Variants in TMEM230 observed in about 807,000 individuals in gnomAD.
The protein encoded by TMEM230 is UPF0414 transmembrane protein C20orf30.
Under a neutral mutation model 15.8 loss-of-function variants are expected in TMEM230, and 10 were observed. That is an observed-to-expected ratio of 0.63 (90% CI 0.39 to 1.07). TMEM230 has a LOEUF of 1.07. Among genes scored for constraint, TMEM230 ranks in the 50% least tolerant of loss-of-function variants. The pLI, the probability that TMEM230 is intolerant of heterozygous loss-of-function variation, is 0.01. For synonymous variants in TMEM230, 67 were observed against 76.9 expected, an observed-to-expected ratio of 0.87 and a Z score of 0.68; for missense variants, 165 against 193.3, an observed-to-expected ratio of 0.85 and a Z score of 0.87.
chr20:5,062,264 G>A, the TMEM230 span, among the ~76,000 whole-genome samples: 2 of 151,766 alleles, frequency 1.3e-5, no homozygotes, highest in African/African-American at 4.8e-5. Flanking sequence ...GGCTGGGTGT[G>A]GAGGCTCACA....
intron 4 of TMEM230, among the ~76,000 whole-genome samples, chr20:5,105,646 C>A (rs1403453158): frequency 6.6e-6 from 1 of 152,070 alleles, no homozygotes; most frequent in East Asian, 1.9e-4. Context: ...GGGATGGATA[C>A]CCCATTTAGC....
At chr20:5,094,051 C>T (rs183914080) in intron 3 of TMEM230, among the ~76,000 whole-genome samples, 20 of 151,252 alleles carry the variant, frequency 1.3e-4, no homozygotes, top group Non-Finnish European at 1.9e-4. Context: ...CTCTGCCTCC[C>T]GGGTTCAAGC....
chr20:5,099,055 G>A (rs911737277), downstream of TMEM230, among the ~76,000 whole-genome samples: 6 of 151,968 alleles, frequency 3.9e-5, no homozygotes, highest in African/African-American at 1.5e-4. Context: ...GCCAGGCTCA[G>A]TAGCTCATGC....
At chr20:5,103,854 G>T (rs1389700881) in intron 4 of TMEM230, among the ~76,000 whole-genome samples, 1 of 152,082 alleles carries the variant, frequency 6.6e-6, no homozygotes, top group Non-Finnish European at 1.5e-5. Flanking sequence ...AAACATGGGG[G>T]AAACTCTCCA....
chr20:5,095,813 T>G (rs962300535), downstream of TMEM230, among the ~76,000 whole-genome samples: 1 of 152,170 alleles, frequency 6.6e-6, no homozygotes, highest in Non-Finnish European at 1.5e-5. Flanking sequence ...CAAGTGATGT[T>G]GATGCTGCCG....
At position 5,093,133 on chromosome 20, in the gene TMEM230, A is replaced by G. The variant is rs527896803; in HGVS notation, c.222+13055T>C. On this transcript the variant is annotated intron_variant, in intron 3 of 3. Coordinates refer to the TMEM230 transcript ENST00000612323. ...CACCAAAAACCTGTTAGAACTAAAT[A>G]AAGTTGTAGGATACAAACGTTAACA... Among the ~76,000 whole-genome samples, 15 of 152,374 alleles carry G rather than the reference A, an allele frequency of 9.8e-5. No homozygotes were observed. The South Asian group carries it at 2.9e-3, about 29-fold the overall frequency.
At chr20:5,061,622 C>T in the TMEM230 span, among the ~76,000 whole-genome samples, 9 of 152,254 alleles carry the variant, frequency 5.9e-5, 1 homozygote, top group African/African-American at 2.2e-4. Context: ...CTTATCTATG[C>T]ATTGTATGAG....
At chr20:5,085,044 A>AT (rs1454082622) in intron 3 of TMEM230, among the ~76,000 whole-genome samples, 3 of 152,012 alleles carry the variant, frequency 2.0e-5, no homozygotes, top group African/African-American at 7.2e-5. Context: ...CTTCATTTCC[A>AT]TTTTTTAACT....
intron 3 of TMEM230, among the ~76,000 whole-genome samples, chr20:5,075,344 C>T (rs979405129): frequency 1.3e-5 from 2 of 151,420 alleles, no homozygotes; most frequent in East Asian, 2.0e-4. Flanking sequence ...GGATTACAGG[C>T]GTAAGCCACC....
At chr20:5,084,347 C>G (rs1365581462) in intron 3 of TMEM230, among the ~76,000 whole-genome samples, 1 of 151,348 alleles carries the variant, frequency 6.6e-6, no homozygotes, top group Non-Finnish European at 1.5e-5. Flanking sequence ...CCTCAGCCCC[C>G]TGAGTAACTG....
chr20:5,072,848 C>CAAAA (rs3056051), intron 3 of TMEM230, among the ~76,000 whole-genome samples: 4 of 51,442 alleles, frequency 7.8e-5, no homozygotes, highest in Non-Finnish European at 1.0e-4. Flanking sequence ...GACTCCACCT[C>CAAAA]AAAAAAAAAA....
Position 5,109,501 on chromosome 20 carries a change from T to C in TMEM230, c.175-56A>G, listed in dbSNP as rs76529521. Reference sequence around the variant, plus strand: ...GTCTGTAGATGACAATGGTGCATTATAGCCAATGAGTTCAGGATTATTAGA... The same window carrying C: ...GTCTGTAGATGACAATGGTGCATTACAGCCAATGAGTTCAGGATTATTAGA... On this transcript the variant is annotated intron_variant, in intron 2 of 4. Coordinates refer to ENST00000342308, the MANE Select transcript of TMEM230 (RefSeq NM_001009923.2). The C allele has an allele frequency of 1.1e-3, 1,458 of 1,349,826 alleles. 14 individuals are homozygous for C. The African/African-American group carries it at 0.019, about 17-fold the overall frequency. The allele number at this position is 1,349,826 out of a possible 1,614,324, so 83.6% of individuals were successfully genotyped here.
intron 3 of TMEM230, among the ~76,000 whole-genome samples, chr20:5,084,723 G>A (rs959384337): frequency 6.6e-6 from 1 of 152,022 alleles, no homozygotes; most frequent in African/African-American, 2.4e-5. Context: ...TAGTAGAGAT[G>A]GGGTTTCACC....
intron 4 of TMEM230, among the ~76,000 whole-genome samples, chr20:5,103,379 G>A (rs935342609): frequency 3.3e-5 from 5 of 152,062 alleles, no homozygotes; most frequent in Non-Finnish European, 4.4e-5. Context: ...TGGGAGGATC[G>A]ACTGAGCCCT....
At chr20:5,060,227 T>C in the TMEM230 span, among the ~76,000 whole-genome samples, 1 of 152,172 alleles carries the variant, frequency 6.6e-6, no homozygotes, top group African/African-American at 2.4e-5. Flanking sequence ...ACCTTACCTT[T>C]TAAAAAAGAA....
chr20:5,085,069 T>A (rs1446085823), intron 3 of TMEM230, among the ~76,000 whole-genome samples: 1 of 152,192 alleles, frequency 6.6e-6, no homozygotes, highest in Non-Finnish European at 1.5e-5. Context: ...CACAAGGTTG[T>A]ACCTAATATC....
At chr20:5,082,657 G>T (rs1436570235) in intron 3 of TMEM230, among the ~76,000 whole-genome samples, 1 of 151,912 alleles carries the variant, frequency 6.6e-6, no homozygotes, top group Non-Finnish European at 1.5e-5. Context: ...TGGCCAGGAT[G>T]GTCTCAAACT....
chr20:5,095,236 C>T (rs530587813), downstream of TMEM230, among the ~76,000 whole-genome samples: 30 of 152,284 alleles, frequency 2.0e-4, no homozygotes, highest in African/African-American at 6.5e-4. Flanking sequence ...TAGAGACCCA[C>T]GGATGGAGGC....
At chr20:5,064,897 G>A (rs973307271), downstream of TMEM230, among the ~76,000 whole-genome samples, 2 of 152,088 alleles carry the variant, frequency 1.3e-5, no homozygotes, top group Non-Finnish European at 1.5e-5. Context: ...GGGGCTAGGC[G>A]TGGTGGCTCA....
Sources: allele counts gnomAD v4.1 joint callset (sites outside exome capture counted in the v4.1 genomes callset), GRCh38; gene constraint gnomAD v4.1.1; transcripts MANE v1.5; gene names NCBI Gene and HGNC (gene_info 2026-07-23, HGNC 2026-07-21).